Variants in HELZ2 observed in about 807,000 individuals in gnomAD.
The protein encoded by HELZ2 is 3'-5' exoribonuclease HELZ2.
A neutral mutation model predicts 208.8 loss-of-function variants in HELZ2; 143 were observed. The ratio of observed to expected loss-of-function variants is 0.68; its 90% CI spans 0.60 to 0.79. HELZ2 has a LOEUF of 0.79. Ranked by LOEUF, HELZ2 falls within the 30% of genes least tolerant of loss-of-function variation. The pLI is 0.00. For missense variants in HELZ2, 3,690 were observed against 3,794.5 expected (o/e 0.97, Z 0.72); for synonymous variants, 1,705 against 1,693.7 (o/e 1.01, Z -0.16).
rs536100502 is a variant in HELZ2, at chr20:63,562,448, G to A, written c.6303-66C>T. On this transcript the variant is annotated intron_variant, in intron 8 of 18. Transcript: ENST00000467148. ...CAGGAAAGGGGCTGCTGCCCCACGAGCTCCCCCCTCCTGCAAGTGAGGGGC... is the reference window on the plus strand; with the variant it reads ...CAGGAAAGGGGCTGCTGCCCCACGAACTCCCCCCTCCTGCAAGTGAGGGGC... 2.2e-5 allele frequency: 34 copies of A among 1,524,762 alleles called. 1 individual carries two copies. In the East Asian group the frequency reaches 6.3e-4, roughly 28 times the overall value. The allele number at this position is 1,524,762 out of a possible 1,614,324, so 94.5% of individuals were successfully genotyped here.
chr20:63,560,273 C>T (rs748137592), exon 17 of HELZ2: 35 of 1,563,584 alleles, frequency 2.2e-5, no homozygotes, highest in African/African-American at 1.4e-4. Context: ...GTGAGGACGG[C>T]GATGTCCTGG....
At chr20:63,572,220 C>T (rs1332638824) in exon 1 of HELZ2, 7 of 1,602,644 alleles carry the variant, frequency 4.4e-6, no homozygotes, top group South Asian at 1.1e-5. Context: ...CAGTGGTTCT[C>T]GAAGGCCTCC....
In HELZ2 at chr20:63,566,343, G is replaced by A. The variant is rs1469269411; in HGVS notation, c.2590+35C>T. The stretch of plus-strand genomic sequence containing the variant: ...GCCGAGCCACCCGGGGTATCCTGGG[G>A]CAGCTGGCAGCACCTGGCCCCGCTG... On this transcript the variant is annotated intron_variant, in intron 7 of 18. Coordinates refer to ENST00000467148, the Ensembl canonical transcript of HELZ2. The A allele has an allele frequency of 8.4e-6, 13 of 1,539,602 alleles. No homozygotes were observed. The East Asian group carries it at 2.7e-4, about 32-fold the overall frequency.
chr20:63,561,613 T>C (rs543430469), exon 12 of HELZ2: 30 of 1,606,730 alleles, frequency 1.9e-5, no homozygotes, highest in Non-Finnish European at 2.5e-5. Context: ...GAGGCTCTGG[T>C]TCGGCCTCCC....
chr20:63,565,913 G>A (rs1306878937), exon 8 of HELZ2: 3 of 1,597,636 alleles, frequency 1.9e-6, no homozygotes, highest in Non-Finnish European at 2.5e-6. Context: ...GTTCCCCGCT[G>A]CCCCAGCCTG....
exon 6 of HELZ2, chr20:63,567,625 G>T (rs1276578101): frequency 1.3e-6 from 2 of 1,598,812 alleles, no homozygotes; most frequent in Non-Finnish European, 1.7e-6. Context: ...GATGTCGGCG[G>T]CACTGCGGGA....
exon 1 of HELZ2, chr20:63,572,119 C>T (rs1352226993): frequency 6.2e-7 from 1 of 1,609,446 alleles, no homozygotes. Flanking sequence ...TTGGGCAGAG[C>T]TCGAACTTGG....
At chr20:63,571,158 C>CTA in intron 1 of HELZ2, 1 of 363,868 alleles carries the variant, frequency 2.7e-6, no homozygotes, top group African/African-American at 2.2e-5. Flanking sequence ...GGCTCCTGCC[C>CTA]CGCTCCAAGC....
chr20:63,559,851 C>T (rs455119), intron 18 of HELZ2, 77 bp downstream of exon 19: 39 of 1,510,236 alleles, frequency 2.6e-5, no homozygotes, highest in Middle Eastern at 2.4e-4. Context: ...CAGGGTCAGG[C>T]AGGAGTCGGC....
Position 63,559,345 on chromosome 20 carries a change from G to T in HELZ2, c.7851C>A (p.Cys2617Ter). Reference sequence around the variant, plus strand: ...AGTCCAGGAGGCTACGCCAGAGGGGGCAGCAGCGCAGAAGGAGGTGGTCTC... The same window carrying T: ...AGTCCAGGAGGCTACGCCAGAGGGGTCAGCAGCGCAGAAGGAGGTGGTCTC... Residue 2617 changes from cysteine (C) to a stop codon, truncating the protein, a stop_gained, in exon 19 of 19, where the codon TGC becomes TGA. Transcript: ENST00000467148. LOFTEE classifies it low-confidence loss of function (END_TRUNC). 1 of 1,601,410 alleles carries T rather than the reference G, an allele frequency of 6.2e-7. No homozygotes were observed. The highest frequency in any genetic ancestry group is 8.5e-7 in the Non-Finnish European group (1 of 1,173,120).
chr20:63,566,401 A>G, exon 7 of HELZ2: 1 of 1,548,356 alleles, frequency 6.5e-7, no homozygotes, highest in Non-Finnish European at 8.7e-7. Context: ...AAAACTGCCG[A>G]CAGACACCTG....
Position 63,569,646 on chromosome 20 carries a change from G to A in HELZ2, c.590C>T (p.Ala197Val). 17 of 1,537,602 alleles carry A rather than the reference G, an allele frequency of 1.1e-5. No homozygotes were observed. The highest frequency in any genetic ancestry group is 1.5e-5 in the Non-Finnish European group (17 of 1,140,388). ...GGCTCCTGGCTCCTGCTTCAGCAGGGCCACGTGTAGCAGGGGCTCCTGGAG... is the reference window on the plus strand; with the variant it reads ...GGCTCCTGGCTCCTGCTTCAGCAGGACCACGTGTAGCAGGGGCTCCTGGAG... Residue 197 changes from alanine to valine, a missense_variant, in exon 4 of 19, where the codon GCC becomes GTC. Physicochemically the swap from Ala to Val is moderately conservative, Grantham distance 64. Around this residue, in one of 3 missense-constraint regions of HELZ2, gnomAD observed 1,119 missense variants for 1,193.4 expected, o/e 0.94. Coordinates refer to ENST00000467148, the Ensembl canonical transcript of HELZ2.
exon 5 of HELZ2, chr20:63,568,363 G>A (rs1340701065): frequency 6.2e-7 from 1 of 1,609,232 alleles, no homozygotes; most frequent in Admixed American, 1.7e-5. Flanking sequence ...CTTACCTGTT[G>A]GTGTGTGTGC....
downstream of HELZ2, chr20:63,558,393 G>A (rs982335124): frequency 1.1e-4 from 16 of 152,288 alleles, no homozygotes; most frequent in South Asian, 2.1e-4. Context: ...GGGGTGGGGC[G>A]GGGTGGGCCC....
chr20:63,569,253 T>C (rs1600983455), exon 4 of HELZ2: 6 of 1,572,484 alleles, frequency 3.8e-6, no homozygotes, highest in Admixed American at 1.8e-5. Flanking sequence ...GCTGCTGCGG[T>C]TGAACTCCAG....
chr20:63,564,147 G>A (rs566424406), exon 8 of HELZ2: 31 of 1,611,766 alleles, frequency 1.9e-5, no homozygotes, highest in African/African-American at 8.0e-5. Context: ...TGCTGGCTGC[G>A]GGGTGCTGGC....
Position 63,570,743 on chromosome 20 carries a change from ACCAGCCCGTCCTG to A in HELZ2, c.391_403del (p.Gln131CysfsTer36), listed in dbSNP as rs1302026181. On this transcript the variant is annotated frameshift_variant, in exon 2 of 19. Coordinates refer to ENST00000467148, the Ensembl canonical transcript of HELZ2. LOFTEE classifies it high-confidence loss of function. Reference sequence around the variant, plus strand: ...GGCCAGCAGCCGCTCCTGGTAGGGCACCAGCCCGTCCTGCCAGGCCGCCTGCCCCCGCAGCTCC... The same window carrying A: ...GGCCAGCAGCCGCTCCTGGTAGGGCACCAGGCCGCCTGCCCCCGCAGCTCC... 6.4e-7 allele frequency: 1 copy of A among 1,554,362 alleles called. No individual in the cohort carries two copies.
At position 63,566,422 on chromosome 20, in the gene HELZ2, C is replaced by T. The variant is rs747394641; in HGVS notation, c.2546G>A (p.Arg849Gln). Residue 849 changes from arginine (R) to glutamine (Q), a missense_variant, in exon 7 of 19, where the codon CGG becomes CAG. Arg to Gln is a conservative substitution (Grantham distance 43, BLOSUM62 1). Coordinates refer to ENST00000467148, the Ensembl canonical transcript of HELZ2. ...GCCGACAGACACCTGGCCTAGGTCC[C>T]GCCTCCTCAGCTCCTGCCTCAGTGC... The T allele has an allele frequency of 7.8e-5, 120 of 1,548,212 alleles. No individual in the cohort carries two copies. In the South Asian group the frequency reaches 1.1e-3, roughly 14 times the overall value.
exon 19 of HELZ2, chr20:63,559,353 G>A (rs201371158): frequency 1.4e-4 from 229 of 1,598,902 alleles, no homozygotes; most frequent in Admixed American, 9.8e-4. Flanking sequence ...GGGCAGCAGC[G>A]CAGAAGGAGG....
Sources: allele counts gnomAD v4.1 joint callset, GRCh38; gene constraint gnomAD v4.1.1; regional missense constraint gnomAD v4.1.1; transcripts MANE v1.5; gene names NCBI Gene and HGNC (gene_info 2026-07-23, HGNC 2026-07-21).